The following TNRC6A variants were observed in gnomAD, a reference collection of about 807,000 sequenced individuals.
TNRC6A encodes the protein trinucleotide repeat-containing gene 6A protein.
A neutral mutation model predicts 221.2 loss-of-function variants in TNRC6A; 44 were observed. That is an observed-to-expected ratio of 0.20 (90% CI 0.16 to 0.26). TNRC6A has a LOEUF of 0.26. Ranked by LOEUF, TNRC6A falls within the 10% of genes least tolerant of loss-of-function variation. The pLI, the probability that TNRC6A is intolerant of heterozygous loss-of-function variation, is 1.00. For synonymous variants in TNRC6A, 847 were observed against 838.5 expected, an observed-to-expected ratio of 1.01 and a Z score of -0.18; for missense variants, 2,199 against 2,404.4, an observed-to-expected ratio of 0.91 and a Z score of 1.79.
At position 24,648,404 on chromosome 16, in the gene TNRC6A, A is replaced by G. The variant is rs185781240; in HGVS notation, n.402+7395A>G. ...TCCTGCCTCAGCCTCCCAAGTAGCT[A>G]GGACTACAGGTGCCCACCACCACGC... On this transcript the variant is annotated intron_variant and non_coding_transcript_variant, in intron 2 of 2. Transcript: ENST00000566108. 1.2e-3 allele frequency among the ~76,000 whole-genome samples: 177 copies of G among 151,162 alleles called. 2 individuals carry two copies. In the East Asian group the frequency reaches 0.013, roughly 11 times the overall value.
At chr16:24,651,538 C>CAAAAAAAAAAAAAA (rs768568973) in intron 2 of TNRC6A, among the ~76,000 whole-genome samples, 4 of 48,754 alleles carry the variant, frequency 8.2e-5, no homozygotes, top group African/African-American at 1.3e-4. Flanking sequence ...AACTCCATCT[C>CAAAAAAAAAAAAAA]AAAAAAAAAA....
At position 24,820,266 on chromosome 16, in the gene TNRC6A, A is replaced by T. The variant is rs746621963; in HGVS notation, c.5208A>T (p.Gly1736=). 1 of 1,614,122 alleles carries T rather than the reference A, an allele frequency of 6.2e-7. No homozygotes were observed. The highest frequency in any genetic ancestry group is 1.1e-5 in the South Asian group (1 of 91,082). The change falls in exon 22 of 25, where the codon GGA becomes GGT. Residue 1736 remains glycine, a synonymous_variant. Coordinates refer to ENST00000395799, the MANE Select transcript of TNRC6A (RefSeq NM_014494.4). ...NITAPSRPPP[G]LTGQKPPLST... ...CTGCTCCGTCCCGCCCACCTCCGGGACTGACTGGTCAGAAGCCACCCTTGT... is the reference window on the plus strand; with the variant it reads ...CTGCTCCGTCCCGCCCACCTCCGGGTCTGACTGGTCAGAAGCCACCCTTGT...
chr16:24,676,954 C>T (rs769329764), intron 2 of TNRC6A, among the ~76,000 whole-genome samples: 2 of 152,064 alleles, frequency 1.3e-5, no homozygotes, highest in Non-Finnish European at 2.9e-5. Context: ...CTTCTTTTCT[C>T]TCTGCTTTCA....
upstream of TNRC6A, among the ~76,000 whole-genome samples, chr16:24,728,610 TTGA>T (rs1193504366): frequency 2.6e-5 from 4 of 152,296 alleles, no homozygotes; most frequent in East Asian, 5.8e-4. Flanking sequence ...AAGAAAAAGC[TTGA>T]TGAGAGGTTG....
intron 2 of TNRC6A, among the ~76,000 whole-genome samples, chr16:24,661,006 G>A (rs1228575490): frequency 6.6e-6 from 1 of 152,044 alleles, no homozygotes; most frequent in East Asian, 1.9e-4. Flanking sequence ...CTCCCAAAGT[G>A]CTGGGATTAC....
chr16:24,760,249 C>G (rs986189235), intron 4 of TNRC6A, among the ~76,000 whole-genome samples: 2 of 152,206 alleles, frequency 1.3e-5, no homozygotes, highest in East Asian at 3.8e-4. Context: ...CCATTGATCT[C>G]TCCCTTTCCA....
At chr16:24,643,078 ATTATATATATATATT>A (rs1350770343) in intron 2 of TNRC6A, among the ~76,000 whole-genome samples, 9 of 133,240 alleles carry the variant, frequency 6.8e-5, no homozygotes, top group African/African-American at 2.0e-4. Context: ...TTATATATAT[ATTATATATATATATT>A]TTATATATAT....
intron 2 of TNRC6A, among the ~76,000 whole-genome samples, chr16:24,674,629 A>G (rs1446119118): frequency 6.6e-6 from 1 of 152,024 alleles, no homozygotes; most frequent in Non-Finnish European, 1.5e-5. Flanking sequence ...GTATTGTGAC[A>G]GAAGCTGAGA....
Position 24,825,858 on chromosome 16 carries a change from C to T in TNRC6A, c.*2051C>T, listed in dbSNP as rs1046598573. The T allele has an allele frequency of 2.6e-5, 4 of 152,684 alleles. No individual in the cohort carries two copies. The highest frequency in any genetic ancestry group is 5.9e-5 in the Non-Finnish European group (4 of 68,058). 9.5% of individuals were successfully genotyped at this position (152,684 alleles called of 1,614,324 possible). On this transcript the variant is annotated 3_prime_UTR_variant, in exon 25 of 25. Coordinates refer to ENST00000395799, the MANE Select transcript of TNRC6A (RefSeq NM_014494.4). ...CACACCCGGACTGGCCTTTTCTTCC[C>T]CCTTCACGGCCCTCGCTTCTCCCTG...
chr16:24,651,538 CAAAAAAAAAAAAAAA>C (rs768568973), intron 2 of TNRC6A, among the ~76,000 whole-genome samples: 17 of 48,774 alleles, frequency 3.5e-4, no homozygotes, highest in Non-Finnish European at 5.2e-4. Context: ...AACTCCATCT[CAAAAAAAAAAAAAAA>C]AAAAAAAAAA....
intron 2 of TNRC6A, among the ~76,000 whole-genome samples, chr16:24,657,142 A>G (rs2054928269): frequency 6.6e-6 from 1 of 151,366 alleles, no homozygotes; most frequent in African/African-American, 2.4e-5. Flanking sequence ...GCAAGACGCT[A>G]TCTTCTACAA....
At position 24,789,139 on chromosome 16, in the gene TNRC6A, A is replaced by G. The variant is rs576755011; in HGVS notation, c.590-93A>G. 1.3e-4 allele frequency: 169 copies of G among 1,268,686 alleles called. 2 individuals are homozygous for G. In the South Asian group the frequency reaches 2.4e-3, roughly 18 times the overall value. The allele number at this position is 1,268,686 out of a possible 1,614,324, so 78.6% of individuals were successfully genotyped here. On this transcript the variant is annotated intron_variant, in intron 5 of 24. Transcript: ENST00000395799. The stretch of plus-strand genomic sequence containing the variant: ...CTTGTTAAATTGAGGAGCCACATAT[A>G]TTTATAACATATTCGTCATTTTTCT...
intron 2 of TNRC6A, among the ~76,000 whole-genome samples, chr16:24,740,456 T>A (rs2056867768): frequency 6.6e-6 from 1 of 152,174 alleles, no homozygotes; most frequent in South Asian, 2.1e-4. Flanking sequence ...CTTTTTCTAT[T>A]TATTTAGGTC....
intron 2 of TNRC6A, among the ~76,000 whole-genome samples, chr16:24,747,598 A>G (rs1400248544): frequency 6.6e-6 from 1 of 152,164 alleles, no homozygotes; most frequent in Non-Finnish European, 1.5e-5. Flanking sequence ...ATGAACATTT[A>G]ACTCCTGGAA....
chr16:24,716,222 C>T (rs1365957747), intron 2 of TNRC6A, among the ~76,000 whole-genome samples: 2 of 152,170 alleles, frequency 1.3e-5, no homozygotes, highest in African/African-American at 2.4e-5. Context: ...TCTCTTGGGG[C>T]TCACTGTCCT....
chr16:24,665,047 C>T (rs1001370456), intron 2 of TNRC6A: 2 of 449,100 alleles, frequency 4.5e-6, no homozygotes, highest in Non-Finnish European at 4.5e-6. Flanking sequence ...GAAGGACAAA[C>T]TAACTTATTT....
intron 2 of TNRC6A, chr16:24,664,820 A>C (rs1016486247): frequency 4.4e-6 from 2 of 450,964 alleles, no homozygotes; most frequent in Non-Finnish European, 4.4e-6. Context: ...CACAAAACCT[A>C]TAAGAAATCC....
intron 3 of TNRC6A, among the ~76,000 whole-genome samples, chr16:24,751,226 T>C (rs2057130023): frequency 6.6e-6 from 1 of 152,198 alleles, no homozygotes; most frequent in Non-Finnish European, 1.5e-5. Context: ...CCTTGTGTTT[T>C]GTTAAATGAG....
chr16:24,703,157 A>G (rs1567371121), intron 2 of TNRC6A, among the ~76,000 whole-genome samples: 1 of 152,008 alleles, frequency 6.6e-6, no homozygotes, highest in Non-Finnish European at 1.5e-5. Flanking sequence ...TATTTTATTC[A>G]CCACCTAAAA....
Sources: allele counts gnomAD v4.1 joint callset (sites outside exome capture counted in the v4.1 genomes callset), GRCh38; gene constraint gnomAD v4.1.1; transcripts MANE v1.5; gene names NCBI Gene and HGNC (gene_info 2026-07-23, HGNC 2026-07-21).